ZBTB16: variants seen among roughly 807,000 people sequenced by gnomAD.
ZBTB16 encodes zinc finger and BTB domain containing 16.
ZBTB16 carries 8 observed loss-of-function variants against 56.8 expected under a neutral mutation model. The ratio of observed to expected loss-of-function variants is 0.14; its 90% CI spans 0.08 to 0.25. The LOEUF is 0.25. Ranked by LOEUF, ZBTB16 falls within the 10% of genes least tolerant of loss-of-function variation. The probability of loss-of-function intolerance (pLI) is 1.00; values close to 1 mark genes in which losing one functional copy is unlikely to be tolerated. For synonymous variants in ZBTB16, 363 were observed against 368.5 expected (o/e 0.98, Z 0.17); for missense variants, 625 against 903.0 (o/e 0.69, Z 3.95).
chr11:114,235,695 C>CTTTCTTTCT (rs1565701790), intron 4 of ZBTB16, among the ~76,000 whole-genome samples: 2 of 92,168 alleles, frequency 2.2e-5, no homozygotes, highest in Non-Finnish European at 4.5e-5. Flanking sequence ...TCTTTCTTTT[C>CTTTCTTTCT]TTTCTTTCTT....
At chr11:114,100,261 TGGTCAGCCC>T (rs1433036533) in intron 2 of ZBTB16, among the ~76,000 whole-genome samples, 1 of 152,212 alleles carries the variant, frequency 6.6e-6, no homozygotes, top group African/African-American at 2.4e-5. Flanking sequence ...TCTCTGCTCA[TGGTCAGCCC>T]GAGGTGACAG....
chr11:114,184,125 C>T (rs1044329621), intron 3 of ZBTB16, among the ~76,000 whole-genome samples: 4 of 152,224 alleles, frequency 2.6e-5, no homozygotes, highest in Non-Finnish European at 5.9e-5. Flanking sequence ...TTATCACCCA[C>T]TTATCCAGCC....
At chr11:114,061,444 C>A (rs1404030941) in intron 1 of ZBTB16, 1 of 152,276 alleles carries the variant, frequency 6.6e-6, no homozygotes, top group Non-Finnish European at 1.5e-5. Context: ...CCAACCTTGA[C>A]GGCCTCCGTC....
Position 114,250,270 on chromosome 11 carries a change from C to A in ZBTB16, c.1793-56C>A. 6.3e-7 allele frequency: 1 copy of A among 1,579,614 alleles called. No homozygotes were observed. The highest frequency in any genetic ancestry group is 8.6e-7 in the Non-Finnish European group (1 of 1,161,054). ...TGGCACGCCTGAGGGTGACATGGTG[C>A]CCTCACCGCCTTCTGTCTGTCCTCA... On this transcript the variant is annotated intron_variant, in intron 6 of 6. Coordinates refer to ENST00000335953, the MANE Select transcript of ZBTB16 (RefSeq NM_006006.6). The surrounding 1 kb of genome is among the most constrained non-coding windows in gnomAD (Gnocchi z 6.0).
intron 4 of ZBTB16, among the ~76,000 whole-genome samples, chr11:114,199,353 G>A (rs1284133452): frequency 6.6e-6 from 1 of 151,352 alleles, no homozygotes; most frequent in Non-Finnish European, 1.5e-5. Flanking sequence ...GCTGGGCCCC[G>A]GGACGGGGCT....
At chr11:114,233,083 A>ACG (rs1565699912) in intron 4 of ZBTB16, among the ~76,000 whole-genome samples, 4 of 91,878 alleles carry the variant, frequency 4.4e-5, no homozygotes, top group African/African-American at 1.2e-4. Flanking sequence ...GCGCGCGCGC[A>ACG]CACACACACA....
chr11:114,114,970 A>G (rs1317145821), intron 2 of ZBTB16, among the ~76,000 whole-genome samples: 1 of 152,186 alleles, frequency 6.6e-6, no homozygotes, highest in African/African-American at 2.4e-5. Flanking sequence ...GGTGTGAGCC[A>G]CTGTGCCTGG....
At chr11:114,070,371 G>A (rs926830574) in intron 2 of ZBTB16, among the ~76,000 whole-genome samples, 37 of 151,760 alleles carry the variant, frequency 2.4e-4, no homozygotes, top group South Asian at 2.1e-4. Context: ...GCCTCCCAAA[G>A]TGCTGGGATT....
intron 2 of ZBTB16, among the ~76,000 whole-genome samples, chr11:114,101,479 G>C (rs768029674): frequency 1.3e-5 from 2 of 152,108 alleles, no homozygotes; most frequent in Non-Finnish European, 2.9e-5. Context: ...ATTTAACCAG[G>C]TTTTTTGTGA....
chr11:114,212,601 C>T (rs1245101149), intron 4 of ZBTB16, among the ~76,000 whole-genome samples: 1 of 152,246 alleles, frequency 6.6e-6, no homozygotes, highest in African/African-American at 2.4e-5. Context: ...CGGAGTCAGG[C>T]ACTGGGCTCT....
Position 114,129,672 on chromosome 11 carries a change from G to C in ZBTB16, c.1269-26665G>C, listed in dbSNP as rs147645625. Among the ~76,000 whole-genome samples the C allele has an allele frequency of 1.3e-3, 201 of 152,284 alleles. 1 individual carries two copies. Among genetic ancestry groups the C allele is most frequent in the African/African-American group, 4.4e-3 (183 of 41,552 alleles). Reference sequence around the variant, plus strand: ...TGTGAAACCATTTTCCATTTGCCATGGTCAGAAGAAAAATAGTTAGCATTT... The same window carrying C: ...TGTGAAACCATTTTCCATTTGCCATCGTCAGAAGAAAAATAGTTAGCATTT... On this transcript the variant is annotated intron_variant, in intron 2 of 6. Transcript: ENST00000335953.
At chr11:114,070,141 G>A (rs796715044) in intron 2 of ZBTB16, among the ~76,000 whole-genome samples, 18 of 115,492 alleles carry the variant, frequency 1.6e-4, no homozygotes, top group African/African-American at 5.3e-4. Flanking sequence ...TCGCTCTGTC[G>A]CCCAGGTCGG....
At chr11:114,174,873 G>A (rs1233072987) in intron 3 of ZBTB16, among the ~76,000 whole-genome samples, 2 of 152,194 alleles carry the variant, frequency 1.3e-5, no homozygotes, top group Non-Finnish European at 2.9e-5. Flanking sequence ...AGGTCAAGCT[G>A]CAGGGAAGAG....
At chr11:114,231,927 C>T (rs1342351214) in intron 4 of ZBTB16, among the ~76,000 whole-genome samples, 1 of 152,028 alleles carries the variant, frequency 6.6e-6, no homozygotes, top group Non-Finnish European at 1.5e-5. Context: ...AAACTGAGGC[C>T]CAGAAAGGTC....
At chr11:114,233,404 C>A (rs1944499602) in intron 4 of ZBTB16, among the ~76,000 whole-genome samples, 1 of 151,952 alleles carries the variant, frequency 6.6e-6, no homozygotes, top group African/African-American at 2.4e-5. Context: ...TGTGGCACTG[C>A]CAGGGAATCA....
At chr11:114,089,327 A>G (rs974846432) in intron 2 of ZBTB16, among the ~76,000 whole-genome samples, 2 of 152,180 alleles carry the variant, frequency 1.3e-5, no homozygotes, top group Admixed American at 6.5e-5. Flanking sequence ...ATAATGTCTC[A>G]TTTGTACATC....
chr11:114,165,427 A>G (rs1424142711), intron 3 of ZBTB16, among the ~76,000 whole-genome samples: 1 of 152,250 alleles, frequency 6.6e-6, no homozygotes, highest in Non-Finnish European at 1.5e-5. Flanking sequence ...CTCCTGGGCC[A>G]GTACTGTGCA....
At chr11:114,225,851 A>G (rs2135160527) in intron 4 of ZBTB16, among the ~76,000 whole-genome samples, 1 of 152,304 alleles carries the variant, frequency 6.6e-6, no homozygotes, top group Middle Eastern at 3.4e-3. Context: ...TCCCCTAATC[A>G]TGTGACACTG....
chr11:114,082,729 C>T (rs972159337), intron 2 of ZBTB16, among the ~76,000 whole-genome samples: 7 of 152,046 alleles, frequency 4.6e-5, no homozygotes, highest in Admixed American at 1.3e-4. Flanking sequence ...CCCTTGCCAC[C>T]TCTCGGTGGG....
Sources: gnomAD v4.1 joint callset for allele counts (sites outside exome capture counted in the v4.1 genomes callset) on GRCh38, gnomAD v4.1.1 for gene constraint, Gnocchi (gnomAD v3.1) non-coding constraint, MANE v1.5 for transcripts, NCBI Gene and HGNC (gene_info 2026-07-23, HGNC 2026-07-21) for gene names.